CHST11: variants seen among roughly 807,000 people sequenced by gnomAD.
CHST11 encodes the protein C4S-1.
CHST11 carries 9 observed loss-of-function variants against 30.4 expected under a neutral mutation model. The ratio of observed to expected loss-of-function variants is 0.30; its 90% CI spans 0.18 to 0.52. The LOEUF is 0.52. Ranked by LOEUF, CHST11 falls within the 20% of genes least tolerant of loss-of-function variation. The pLI is 0.97. For missense variants in CHST11, 348 were observed against 460.6 expected (o/e 0.76, Z 2.24); for synonymous variants, 152 against 187.8 (o/e 0.81, Z 1.56).
chr12:104,754,875 T>A (rs1205088881), intron 2 of CHST11, among the ~76,000 whole-genome samples: 2 of 152,238 alleles, frequency 1.3e-5, no homozygotes, highest in Non-Finnish European at 2.9e-5. Context: ...CATGTTATAG[T>A]TCAGCGTGTT....
intron 2 of CHST11, among the ~76,000 whole-genome samples, chr12:104,700,153 A>G (rs1264346342): frequency 6.6e-6 from 1 of 152,220 alleles, no homozygotes; most frequent in African/African-American, 2.4e-5. Flanking sequence ...TTTTTAAATC[A>G]GATTAGAAGT....
chr12:104,685,601 C>T (rs183639753), intron 2 of CHST11, among the ~76,000 whole-genome samples: 24 of 152,336 alleles, frequency 1.6e-4, no homozygotes, highest in Middle Eastern at 3.4e-3. Context: ...CCTAGATGAA[C>T]ACTTGCCTGT....
intron 2 of CHST11, among the ~76,000 whole-genome samples, chr12:104,709,765 G>A (rs776200519): frequency 3.9e-5 from 6 of 152,206 alleles, no homozygotes; most frequent in Non-Finnish European, 5.9e-5. Context: ...TAGGGGGATG[G>A]GGACAGAGGG....
At chr12:104,488,738 CGCGT>C (rs1448262057) in intron 1 of CHST11, among the ~76,000 whole-genome samples, 62 of 68,014 alleles carry the variant, frequency 9.1e-4, no homozygotes, top group East Asian at 5.5e-3. Context: ...TGTATGTGTA[CGCGT>C]GTGTGTGTGT....
Position 104,757,092 on chromosome 12 carries a change from C to T in CHST11, c.348C>T (p.His116=), listed in dbSNP as rs764239451. The T allele has an allele frequency of 2.1e-5, 34 of 1,614,106 alleles. No individual in the cohort carries two copies. Among genetic ancestry groups the T allele is most frequent in the East Asian group, 4.5e-5 (2 of 44,856 alleles). ...AGCACTTGGTGGTGGATGAGGACCA[C>T]GAGCTCATCTACTGCTACGTGCCCA... ...DLKHLVVDED[H]ELIYCYVPKV... is the part of the protein sequence containing the mutation. Residue 116 remains histidine (H), a synonymous_variant, in exon 3 of 3, where the codon CAC becomes CAT. Transcript: ENST00000303694. This position sits in a 1 kb window ranked among gnomAD's most constrained non-coding sequence, Gnocchi z 6.5.
Position 104,550,958 on chromosome 12 carries a change from AT to A in CHST11, c.119-50938del, listed in dbSNP as rs958550645. Among the ~76,000 whole-genome samples the A allele has an allele frequency of 3.3e-4, 50 of 150,760 alleles. No individual in the cohort carries two copies. In the South Asian group the frequency reaches 5.1e-3, roughly 15 times the overall value. ...ACTTCACTAAATCCTCACGTCTGTA[AT>A]TTTTTTTTTCCTCTTTCTAATAGCC... On this transcript the variant is annotated intron_variant, in intron 1 of 2. Coordinates refer to ENST00000303694, the MANE Select transcript of CHST11 (RefSeq NM_018413.6).
intron 2 of CHST11, among the ~76,000 whole-genome samples, chr12:104,716,683 C>T (rs1480875399): frequency 1.3e-5 from 2 of 152,170 alleles, no homozygotes; most frequent in East Asian, 1.9e-4. Flanking sequence ...GTGATCGCTC[C>T]CAACGTGCCT....
chr12:104,712,256 A>G (rs2040094200), intron 2 of CHST11, among the ~76,000 whole-genome samples: 1 of 152,182 alleles, frequency 6.6e-6, no homozygotes, highest in African/African-American at 2.4e-5. Flanking sequence ...CATCTTGTCC[A>G]GGTGCACAGC....
intron 2 of CHST11, among the ~76,000 whole-genome samples, chr12:104,754,230 G>A (rs1277904373): frequency 6.6e-6 from 1 of 152,278 alleles, no homozygotes; most frequent in Admixed American, 6.5e-5. Flanking sequence ...ATCGTATCCC[G>A]GCTAGGACCC....
At chr12:104,514,040 C>T (rs989980025) in intron 1 of CHST11, 15 of 887,838 alleles carry the variant, frequency 1.7e-5, no homozygotes, top group South Asian at 3.9e-5. Flanking sequence ...TGCAGACCCC[C>T]GGGGCACTAC....
intron 1 of CHST11, among the ~76,000 whole-genome samples, chr12:104,564,593 C>T (rs777038317): frequency 7.2e-5 from 11 of 152,212 alleles, no homozygotes; most frequent in Admixed American, 6.5e-5. Context: ...CTGCAAGGCT[C>T]TTGGAGCCTA....
chr12:104,752,025 C>G (rs1255656846), intron 2 of CHST11, among the ~76,000 whole-genome samples: 1 of 152,212 alleles, frequency 6.6e-6, no homozygotes, highest in African/African-American at 2.4e-5. Context: ...CTGAGGCCAT[C>G]ATAACAAATT....
chr12:104,563,512 C>T (rs2038533685), intron 1 of CHST11, among the ~76,000 whole-genome samples: 1 of 152,192 alleles, frequency 6.6e-6, no homozygotes, highest in South Asian at 2.1e-4. Context: ...TTTCCTAGGT[C>T]ACATCATCCA....
Position 104,641,005 on chromosome 12 carries a change from A to G in CHST11, c.204+39014A>G, listed in dbSNP as rs563810347. ...ACAGAGAGGGGAGAAGCAGCTGGAC[A>G]TTGGAGACTACAGTTGGATGTCAGA... On this transcript the variant is annotated intron_variant, in intron 2 of 2. Coordinates refer to ENST00000303694, the MANE Select transcript of CHST11 (RefSeq NM_018413.6). 6.8e-4 allele frequency among the ~76,000 whole-genome samples: 104 copies of G among 152,314 alleles called. No homozygotes were observed. In the South Asian group the frequency reaches 9.3e-3, roughly 14 times the overall value.
intron 2 of CHST11, among the ~76,000 whole-genome samples, chr12:104,662,750 G>A (rs570040304): frequency 1.3e-5 from 2 of 152,302 alleles, no homozygotes; most frequent in Admixed American, 1.3e-4. Context: ...TTCAGAGGAG[G>A]AGGGTCTGTT....
chr12:104,740,980 AT>A (rs1215664376), intron 2 of CHST11, among the ~76,000 whole-genome samples: 1 of 152,240 alleles, frequency 6.6e-6, no homozygotes, highest in Admixed American at 6.5e-5. Flanking sequence ...CAGTGAAGTG[AT>A]AAACAAAATC....
intron 1 of CHST11, among the ~76,000 whole-genome samples, chr12:104,508,412 C>A (rs2141857): frequency 0.15 from 22,353 of 152,152 alleles, 1,838 homozygotes; most frequent in East Asian, 0.34. Flanking sequence ...TTGTAAAGCA[C>A]GTATCAGTGA....
At chr12:104,622,580 T>G (rs2039170547) in intron 2 of CHST11, among the ~76,000 whole-genome samples, 1 of 152,228 alleles carries the variant, frequency 6.6e-6, no homozygotes, top group African/African-American at 2.4e-5. Context: ...CCAAGTAAGC[T>G]CTTAATAAAT....
At chr12:104,592,820 A>G (rs1479615549) in intron 1 of CHST11, among the ~76,000 whole-genome samples, 2 of 152,120 alleles carry the variant, frequency 1.3e-5, no homozygotes, top group African/African-American at 4.8e-5. Flanking sequence ...GGGATCTTAT[A>G]CTTTCGGAAG....
Sources: gnomAD v4.1 joint callset for allele counts (sites outside exome capture counted in the v4.1 genomes callset) on GRCh38, gnomAD v4.1.1 for gene constraint, Gnocchi (gnomAD v3.1) non-coding constraint, MANE v1.5 for transcripts, NCBI Gene and HGNC (gene_info 2026-07-23, HGNC 2026-07-21) for gene names.